The following GPR132 variants were observed in gnomAD, a reference collection of about 807,000 sequenced individuals.
The protein encoded by GPR132 is G protein-coupled receptor 132.
In GPR132, 4 loss-of-function variants were observed where a neutral mutation model predicts 1.9. That is an observed-to-expected ratio of 2.13 (90% CI 1.05 to 4.87). The LOEUF is 4.87. GPR132 is among the 30% of genes most tolerant of loss of function. GPR132 has a pLI of 0.01. For synonymous variants in GPR132, 233 were observed against 234.2 expected (o/e 0.99, Z 0.05); for missense variants, 404 against 512.5 (o/e 0.79, Z 2.04).
Position 105,055,335 on chromosome 14 carries a change from A to C in GPR132, c.34+52T>G. 1.3e-6 allele frequency: 1 copy of C among 780,714 alleles called. No individual in the cohort carries two copies. Among genetic ancestry groups the C allele is most frequent in the African/African-American group, 1.7e-5 (1 of 59,258 alleles). The allele number at this position is 780,714 out of a possible 1,614,324, so 48.4% of individuals were successfully genotyped here. A position where few individuals can be genotyped will look rare whatever the true frequency, so the allele number is the denominator to read the frequency against. On this transcript the variant is annotated intron_variant, in intron 3 of 3. Transcript: ENST00000329797. This position sits in a 1 kb window ranked among gnomAD's most constrained non-coding sequence, Gnocchi z 4.7. ...GAGTGAGACTCAATCGCAAGAAAAA[A>C]AAATTGAAAAAGTGGAAAATTGTGG...
chr14:105,063,436 A>G (rs1887002318), intron 1 of GPR132, among the ~76,000 whole-genome samples: 1 of 150,086 alleles, frequency 6.7e-6, no homozygotes. Context: ...GTGCAATAGC[A>G]CGATCTTGGC....
rs749456819 is a variant in GPR132, at chr14:105,052,002, C to T, written c.135G>A (p.Leu45=). The change falls in exon 4 of 4, where the codon CTG becomes CTA. Residue 45 remains leucine (L), a synonymous_variant. Transcript: ENST00000329797. Reference sequence around the variant, plus strand: ...TGCACACCGCGCTGTACACCACGACCAGGACTATCCTGCTCTCTTCGAAGG... The same window carrying T: ...TGCACACCGCGCTGTACACCACGACTAGGACTATCCTGCTCTCTTCGAAGG... ...NVSFEESRIV[L]VVVYSAVCTL... 1.9e-6 allele frequency: 3 copies of T among 1,612,574 alleles called. No individual in the cohort carries two copies. The highest frequency in any genetic ancestry group is 2.2e-5 in the East Asian group (1 of 44,882).
At position 105,059,158 on chromosome 14, in the gene GPR132, C is replaced by T. The variant is rs1027010195; in HGVS notation, c.-860-1878G>A. Reference sequence around the variant, plus strand: ...TCCCAGGGCAGGGCCGGCCCGGCTGCGGGCAGAGCCCCTACACAGCAAGGC... The same window carrying T: ...TCCCAGGGCAGGGCCGGCCCGGCTGTGGGCAGAGCCCCTACACAGCAAGGC... On this transcript the variant is annotated intron_variant, in intron 1 of 3. Coordinates refer to ENST00000329797, the MANE Select transcript of GPR132 (RefSeq NM_013345.4). The surrounding 1 kb of genome is among the most constrained non-coding windows in gnomAD (Gnocchi z 4.2). Among the ~76,000 whole-genome samples the T allele has an allele frequency of 5.9e-5, 9 of 152,352 alleles. No homozygotes were observed. The highest frequency in any genetic ancestry group is 2.1e-4 in the South Asian group (1 of 4,828).
intron 3 of GPR132, chr14:105,054,563 T>C (rs935420137): frequency 2.0e-5 from 5 of 250,784 alleles, no homozygotes; most frequent in African/African-American, 9.3e-5. Flanking sequence ...CCCGAGTAGC[T>C]GGGACTACAG....
At chr14:105,053,253 C>T (rs534374529) in intron 3 of GPR132, among the ~76,000 whole-genome samples, 3 of 151,304 alleles carry the variant, frequency 2.0e-5, no homozygotes, top group South Asian at 4.2e-4. Context: ...CTCTGCCTCC[C>T]GGATTCAAGG....
At chr14:105,061,425 G>A (rs1886939406) in intron 1 of GPR132, among the ~76,000 whole-genome samples, 1 of 152,212 alleles carries the variant, frequency 6.6e-6, no homozygotes, top group Non-Finnish European at 1.5e-5. Context: ...CTGCCCCTGG[G>A]AGCCTCTGCC....
Position 105,051,990 on chromosome 14 carries a change from G to T in GPR132, c.147C>A (p.Tyr49Ter). ...GCACCCCCAGCGTGCACACCGCGCT[G>T]TACACCACGACCAGGACTATCCTGC... ...EESRIVLVVV[Y>*]SAVCTLGVPA... Residue 49 changes from tyrosine to a stop codon, truncating the protein, a stop_gained, in exon 4 of 4, where the codon TAC becomes TAA. Coordinates refer to ENST00000329797, the MANE Select transcript of GPR132 (RefSeq NM_013345.4). LOFTEE classifies it low-confidence loss of function (END_TRUNC). This position sits in a 1 kb window ranked among gnomAD's most constrained non-coding sequence, Gnocchi z 8.0. 3.7e-6 allele frequency: 6 copies of T among 1,613,044 alleles called. No homozygotes were observed. The highest frequency in any genetic ancestry group is 5.1e-6 in the Non-Finnish European group (6 of 1,179,980).
Position 105,064,168 on chromosome 14 carries a change from C to T in GPR132, c.-861+1211G>A, listed in dbSNP as rs1318701226. 7.2e-5 allele frequency among the ~76,000 whole-genome samples: 11 copies of T among 152,158 alleles called. No individual in the cohort carries two copies. In the East Asian group the frequency reaches 7.8e-4, roughly 11 times the overall value. On this transcript the variant is annotated intron_variant, in intron 1 of 3. Transcript: ENST00000329797. The stretch of plus-strand genomic sequence containing the variant: ...TGCCTGTAATTTCTAAGCTGTTTCA[C>T]GGTTGCTGGCCATTCCTAGCCATTT...
Position 105,055,325 on chromosome 14 carries a change from G to A in GPR132, c.34+62C>T, listed in dbSNP as rs188896706. 20 of 780,148 alleles carry A rather than the reference G, an allele frequency of 2.6e-5. No homozygotes were observed. Among genetic ancestry groups the A allele is most frequent in the South Asian group, 2.1e-4 (16 of 74,612 alleles). 48.3% of individuals were successfully genotyped at this position (780,148 alleles called of 1,614,324 possible). ...CTGGGCGATAGAGTGAGACTCAATCGCAAGAAAAAAAAATTGAAAAAGTGG... is the reference window on the plus strand; with the variant it reads ...CTGGGCGATAGAGTGAGACTCAATCACAAGAAAAAAAAATTGAAAAAGTGG... On this transcript the variant is annotated intron_variant, in intron 3 of 3. Transcript: ENST00000329797. This position sits in a 1 kb window ranked among gnomAD's most constrained non-coding sequence, Gnocchi z 4.7.
rs747043871 is a variant in GPR132, at chr14:105,055,710, G to A, written c.-290C>T. The stretch of plus-strand genomic sequence containing the variant: ...CAGGATTTCCCTTCCTTTCAAAGGC[G>A]GGATGGTATTCCATTGTATTCAGTG... On this transcript the variant is annotated 5_prime_UTR_variant, in exon 3 of 4. Transcript: ENST00000329797. The surrounding 1 kb of genome is among the most constrained non-coding windows in gnomAD (Gnocchi z 4.7). 39 of 504,652 alleles carry A rather than the reference G, an allele frequency of 7.7e-5. No individual in the cohort carries two copies. Among genetic ancestry groups the A allele is most frequent in the Non-Finnish European group, 4.9e-5 (14 of 282,940 alleles). 31.3% of individuals were successfully genotyped at this position (504,652 alleles called of 1,614,324 possible). A position where few individuals can be genotyped will look rare whatever the true frequency, so the allele number is the denominator to read the frequency against.
intron 1 of GPR132, among the ~76,000 whole-genome samples, chr14:105,058,268 G>C (rs1164626547): frequency 6.6e-6 from 1 of 152,130 alleles, no homozygotes; most frequent in Non-Finnish European, 1.5e-5. Context: ...GGCTGAGTTG[G>C]GAGGATCGCT....
chr14:105,053,014 G>A (rs549316350), intron 3 of GPR132, among the ~76,000 whole-genome samples: 1 of 151,742 alleles, frequency 6.6e-6, no homozygotes, highest in South Asian at 2.1e-4. Flanking sequence ...TCCTGTAATT[G>A]CTGTGTGAGT....
intron 3 of GPR132, among the ~76,000 whole-genome samples, chr14:105,052,614 A>G (rs1254915530): frequency 2.0e-5 from 3 of 151,080 alleles, no homozygotes. Flanking sequence ...GGCGTGAGCC[A>G]TTGTGTCTGG....
Position 105,051,768 on chromosome 14 carries a change from G to T in GPR132, c.369C>A (p.Phe123Leu), listed in dbSNP as rs757630703. Residue 123 changes from phenylalanine to leucine, a missense_variant, in exon 4 of 4, where the codon TTC becomes TTA. Coordinates refer to ENST00000329797, the MANE Select transcript of GPR132 (RefSeq NM_013345.4). The surrounding 1 kb of genome is among the most constrained non-coding windows in gnomAD (Gnocchi z 8.0). Reference protein sequence around the residue: ...LACKVTAYIFFCNIYVSILFL... With the variant: ...LACKVTAYIFLCNIYVSILFL... ...AGAGGATGCTGACGTAGATGTTGCAGAAGAAGATGTAGGCGGTCACCTTGC... is the reference window on the plus strand; with the variant it reads ...AGAGGATGCTGACGTAGATGTTGCATAAGAAGATGTAGGCGGTCACCTTGC... The T allele has an allele frequency of 1.9e-6, 3 of 1,614,222 alleles. No homozygotes were observed. In the South Asian group the frequency reaches 3.3e-5, roughly 18 times the overall value.
Position 105,051,019 on chromosome 14 carries a change from T to A in GPR132, c.1118A>T (p.Lys373Met), listed in dbSNP as rs753520337. The A allele has an allele frequency of 6.2e-7, 1 of 1,613,330 alleles. No individual in the cohort carries two copies. The highest frequency in any genetic ancestry group is 8.5e-7 in the Non-Finnish European group (1 of 1,179,342). The change falls in exon 4 of 4, where the codon AAG (lysine) becomes ATG (methionine). Residue 373 changes from lysine to methionine, a missense_variant. Lys to Met is a moderately conservative substitution (Grantham distance 95). Coordinates refer to ENST00000329797, the MANE Select transcript of GPR132 (RefSeq NM_013345.4). This position sits in a 1 kb window ranked among gnomAD's most constrained non-coding sequence, Gnocchi z 8.0. ...VHPPGSPCPAKRLIEESC is the reference protein window; with the variant it reads ...VHPPGSPCPAMRLIEESC ...TCAGCAGGACTCCTCAATCAGCCTC[T>A]TTGCAGGGCATGGTGACCCTGGTGG...
chr14:105,053,391 C>T (rs987045278), intron 3 of GPR132, among the ~76,000 whole-genome samples: 1 of 152,114 alleles, frequency 6.6e-6, no homozygotes, highest in African/African-American at 2.4e-5. Context: ...AACTCCCGAC[C>T]TCAGGTGATC....
chr14:105,054,220 G>T (rs932257858), intron 3 of GPR132: 2 of 1,198,292 alleles, frequency 1.7e-6, no homozygotes, highest in Non-Finnish European at 1.1e-6. Flanking sequence ...GCCCCGGGCG[G>T]GGCAAACTTC....
Position 105,050,766 on chromosome 14 carries a change from G to T in GPR132, c.*228C>A. ...CCCCACTGCCTGCCACATGCTCTCT[G>T]GGCTCCCGGAAGCCTGGAGGTGTCG... On this transcript the variant is annotated 3_prime_UTR_variant, in exon 4 of 4. Transcript: ENST00000329797. This position sits in a 1 kb window ranked among gnomAD's most constrained non-coding sequence, Gnocchi z 4.0. 1.8e-6 allele frequency: 1 copy of T among 567,468 alleles called. No individual in the cohort carries two copies. 35.2% of individuals were successfully genotyped at this position (567,468 alleles called of 1,614,324 possible).
At chr14:105,057,055 C>T (rs1886814227) in intron 2 of GPR132, 112 bp downstream of exon 2, 1 of 753,920 alleles carries the variant, frequency 1.3e-6, no homozygotes, top group Non-Finnish European at 2.3e-6. Context: ...TAGTTTTTAT[C>T]TCGATAATCT....
Sources: gnomAD v4.1 joint callset for allele counts (sites outside exome capture counted in the v4.1 genomes callset) on GRCh38, gnomAD v4.1.1 for gene constraint, Gnocchi (gnomAD v3.1) non-coding constraint, MANE v1.5 for transcripts, NCBI Gene and HGNC (gene_info 2026-07-23, HGNC 2026-07-21) for gene names.